Variants in SLC35F1 observed in about 807,000 individuals in gnomAD.
SLC35F1 encodes chromosome 6 open reading frame 169.
Under a neutral mutation model 48.7 loss-of-function variants are expected in SLC35F1, and 14 were observed. The ratio of observed to expected loss-of-function variants is 0.29; its 90% CI spans 0.19 to 0.45. SLC35F1 has a LOEUF of 0.45. Among genes scored for constraint, SLC35F1 ranks in the 20% least tolerant of loss-of-function variants. The pLI is 1.00. For missense variants in SLC35F1, 404 were observed against 500.0 expected (o/e 0.81, Z 1.83); for synonymous variants, 190 against 202.2 (o/e 0.94, Z 0.51).
intron 1 of SLC35F1, among the ~76,000 whole-genome samples, chr6:118,102,761 CA>C (rs1289783392): frequency 2.0e-5 from 3 of 152,128 alleles, no homozygotes; most frequent in Non-Finnish European, 4.4e-5. Context: ...CAGCTAGAGG[CA>C]AAACCAATGC....
intron 1 of SLC35F1, among the ~76,000 whole-genome samples, chr6:118,109,734 A>G (rs1438648856): frequency 2.6e-5 from 4 of 152,250 alleles, no homozygotes; most frequent in South Asian, 4.1e-4. Context: ...CTGGCAGGAC[A>G]TCTCACAAAC....
chr6:117,921,398 T>G (rs2114801097), intron 1 of SLC35F1, among the ~76,000 whole-genome samples: 1 of 152,368 alleles, frequency 6.6e-6, no homozygotes, highest in Admixed American at 6.5e-5. Context: ...ATTATAACAC[T>G]TCAGTTCCAG....
intron 1 of SLC35F1, among the ~76,000 whole-genome samples, chr6:118,002,647 C>G (rs1256472666): frequency 6.6e-6 from 1 of 151,680 alleles, no homozygotes; most frequent in Non-Finnish European, 1.5e-5. Flanking sequence ...GAATTTCTTT[C>G]TTTCTAGTTT....
intron 7 of SLC35F1, among the ~76,000 whole-genome samples, chr6:118,310,848 A>C (rs1456977030): frequency 5.3e-5 from 8 of 152,214 alleles, no homozygotes; most frequent in Non-Finnish European, 1.2e-4. Flanking sequence ...TGATGGTTCC[A>C]TGTCCAAAAA....
intron 2 of SLC35F1, among the ~76,000 whole-genome samples, chr6:118,179,360 T>G (rs1220944207): frequency 6.6e-6 from 1 of 152,132 alleles, no homozygotes; most frequent in African/African-American, 2.4e-5. Flanking sequence ...TCCAAAAGCC[T>G]GAGAACCAGG....
At chr6:117,980,056 G>A (rs890892753) in intron 1 of SLC35F1, among the ~76,000 whole-genome samples, 2 of 151,976 alleles carry the variant, frequency 1.3e-5, no homozygotes, top group African/African-American at 4.8e-5. Flanking sequence ...TTTACTCATC[G>A]AATGGGTTTC....
At position 117,966,131 on chromosome 6, in the gene SLC35F1, G is replaced by GCCCCCCCCCCCCCC. The variant is rs35420310; in HGVS notation, c.173+58243_173+58244insCCCCCCCCCCCCCC. On this transcript the variant is annotated intron_variant, in intron 1 of 7. Coordinates refer to ENST00000360388, the MANE Select transcript of SLC35F1 (RefSeq NM_001029858.4). ...AATAAGGGAATAAAAGCAGGCCACCGCCCCCCCCCCCACTCCCGCCCCGCC... is the reference window on the plus strand; with the variant it reads ...AATAAGGGAATAAAAGCAGGCCACCGCCCCCCCCCCCCCCCCCCCCCCCCCACTCCCGCCCCGCC... Among the ~76,000 whole-genome samples the GCCCCCCCCCCCCCC allele has an allele frequency of 3.5e-4, 35 of 101,076 alleles. 1 individual carries two copies. Among genetic ancestry groups the GCCCCCCCCCCCCCC allele is most frequent in the East Asian group, 6.4e-4 (2 of 3,142 alleles). 66.3% of individuals were successfully genotyped at this position (101,076 alleles called of 152,430 possible). A position where few individuals can be genotyped will look rare whatever the true frequency, so the allele number is the denominator to read the frequency against.
chr6:118,169,709 G>T (rs973604482), intron 2 of SLC35F1, among the ~76,000 whole-genome samples: 1 of 151,928 alleles, frequency 6.6e-6, no homozygotes, highest in Non-Finnish European at 1.5e-5. Context: ...TATAGGCACT[G>T]GATGACCATG....
intron 1 of SLC35F1, among the ~76,000 whole-genome samples, chr6:117,986,250 A>G (rs1010623518): frequency 6.6e-6 from 1 of 152,202 alleles, no homozygotes; most frequent in Non-Finnish European, 1.5e-5. Flanking sequence ...AGCTGTGGCC[A>G]GGGATATAGC....
At chr6:118,305,573 T>A in intron 7 of SLC35F1, among the ~76,000 whole-genome samples, 1 of 152,150 alleles carries the variant, frequency 6.6e-6, no homozygotes, top group East Asian at 1.9e-4. Context: ...CTATCCTGCA[T>A]ACAATTAGAA....
At chr6:118,298,389 T>C (rs1776217386) in intron 7 of SLC35F1, among the ~76,000 whole-genome samples, 1 of 152,154 alleles carries the variant, frequency 6.6e-6, no homozygotes, top group Admixed American at 6.5e-5. Context: ...TCTTGACCTA[T>C]GACCCATCCA....
chr6:118,272,737 G>GTA (rs1554243222), intron 4 of SLC35F1, among the ~76,000 whole-genome samples: 2,244 of 120,272 alleles, frequency 0.019, 108 homozygotes, highest in African/African-American at 0.067. Flanking sequence ...ATATGTGTGT[G>GTA]TATATATATA....
chr6:118,072,435 G>T (rs1772747142), intron 1 of SLC35F1, among the ~76,000 whole-genome samples: 1 of 152,054 alleles, frequency 6.6e-6, no homozygotes, highest in Admixed American at 6.6e-5. Flanking sequence ...GTGGTGGCAG[G>T]CGCCTGTAGT....
At chr6:118,313,953 G>C in intron 7 of SLC35F1, 75 bp from the exon 8 acceptor site, 1 of 1,372,566 alleles carries the variant, frequency 7.3e-7, no homozygotes, top group Non-Finnish European at 1.0e-6. Flanking sequence ...CTCTGCTCAT[G>C]TTTCTGTGTG....
intron 3 of SLC35F1, among the ~76,000 whole-genome samples, chr6:118,254,472 G>A (rs781514267): frequency 6.6e-6 from 1 of 151,942 alleles, no homozygotes; most frequent in Non-Finnish European, 1.5e-5. Flanking sequence ...TGTAAAGATG[G>A]GGTCTCACTT....
intron 2 of SLC35F1, among the ~76,000 whole-genome samples, chr6:118,233,372 C>T (rs1775320962): frequency 6.6e-6 from 1 of 152,160 alleles, no homozygotes; most frequent in Non-Finnish European, 1.5e-5. Flanking sequence ...ACATGTAAGG[C>T]AAGTCAGAGA....
chr6:117,916,916 T>A (rs921241749), intron 1 of SLC35F1, among the ~76,000 whole-genome samples: 6 of 152,184 alleles, frequency 3.9e-5, no homozygotes, highest in Non-Finnish European at 8.8e-5. Context: ...ATCTAGCTGT[T>A]AGGGATACTT....
rs564070565 is a variant in SLC35F1 at position 118,043,346 on chromosome 6, T to C, written c.174-111099T>C. 6.2e-3 allele frequency among the ~76,000 whole-genome samples: 43 copies of C among 6,988 alleles called. No individual in the cohort carries two copies. The Non-Finnish European group carries it at 0.071, about 11-fold the overall frequency. 4.6% of individuals were successfully genotyped at this position (6,988 alleles called of 152,430 possible). On this transcript the variant is annotated intron_variant, in intron 1 of 7. Transcript: ENST00000360388. ...GGTTTTCTTGTGTCCACCTTTATTCTGGAGTTAGAATGTCTTAGCATCAAA... is the reference window on the plus strand; with the variant it reads ...GGTTTTCTTGTGTCCACCTTTATTCCGGAGTTAGAATGTCTTAGCATCAAA...
rs1470073085 is a variant in SLC35F1 at position 118,211,797 on chromosome 6, G to T, written c.350-23712G>T. Among the ~76,000 whole-genome samples the T allele has an allele frequency of 2.6e-5, 4 of 152,188 alleles. No individual in the cohort carries two copies. In the East Asian group the frequency reaches 5.8e-4, roughly 22 times the overall value. On this transcript the variant is annotated intron_variant, in intron 2 of 7. Coordinates refer to ENST00000360388, the MANE Select transcript of SLC35F1 (RefSeq NM_001029858.4). Reference sequence around the variant, plus strand: ...AGAATTGTACAGTGCTGAGTGGAAAGGAGTTTAAGAACTTAGTTGATGCAT... The same window carrying T: ...AGAATTGTACAGTGCTGAGTGGAAATGAGTTTAAGAACTTAGTTGATGCAT...
Sources: allele counts gnomAD v4.1 joint callset (sites outside exome capture counted in the v4.1 genomes callset), GRCh38; gene constraint gnomAD v4.1.1; transcripts MANE v1.5; gene names NCBI Gene and HGNC (gene_info 2026-07-23, HGNC 2026-07-21).